C1QTNF3: variants seen among roughly 807,000 people sequenced by gnomAD.
The protein encoded by C1QTNF3 is C1q and TNF related 3.
In C1QTNF3, 26 loss-of-function variants were observed where a neutral mutation model predicts 32.6. That is an observed-to-expected ratio of 0.80 (90% CI 0.58 to 1.11). The LOEUF is 1.11. C1QTNF3 is among the 50% of genes least tolerant of loss of function. C1QTNF3 has a pLI of 0.00. For missense variants in C1QTNF3, 362 were observed against 398.2 expected, an observed-to-expected ratio of 0.91 and a Z score of 0.77; for synonymous variants, 155 against 146.0, an observed-to-expected ratio of 1.06 and a Z score of -0.44.
the C1QTNF3 span, among the ~76,000 whole-genome samples, chr5:34,242,197 A>G: frequency 6.6e-6 from 1 of 152,232 alleles, no homozygotes; most frequent in Non-Finnish European, 1.5e-5. Flanking sequence ...CCCAAAAGCC[A>G]GAATGGCCAA....
At chr5:34,197,382 A>G in the C1QTNF3 span, among the ~76,000 whole-genome samples, 66 of 152,210 alleles carry the variant, frequency 4.3e-4, no homozygotes, top group Non-Finnish European at 8.2e-4. Flanking sequence ...GTATGCTGTC[A>G]CAGGTGCCAT....
At chr5:34,210,788 C>T in the C1QTNF3 span, among the ~76,000 whole-genome samples, 1 of 152,038 alleles carries the variant, frequency 6.6e-6, no homozygotes, top group African/African-American at 2.4e-5. Context: ...GTCCCTAAAA[C>T]ATAATTCAGA....
At chr5:34,117,032 T>C in the C1QTNF3 span, among the ~76,000 whole-genome samples, 1 of 152,170 alleles carries the variant, frequency 6.6e-6, no homozygotes, top group Non-Finnish European at 1.5e-5. Context: ...TAGCTGGATA[T>C]TGATTTTATT....
At chr5:34,056,256 G>A in the C1QTNF3 span, among the ~76,000 whole-genome samples, 1 of 151,842 alleles carries the variant, frequency 6.6e-6, no homozygotes, top group African/African-American at 2.4e-5. Context: ...AGGGAACAGA[G>A]TCAATGTGTG....
intron 1 of C1QTNF3, among the ~76,000 whole-genome samples, chr5:34,036,330 A>AT (rs992423297): frequency 7.9e-5 from 12 of 152,338 alleles, no homozygotes; most frequent in African/African-American, 2.2e-4. Flanking sequence ...GAAATAAAGT[A>AT]TTTTTTAGTC....
chr5:34,087,401 C>T, the C1QTNF3 span, among the ~76,000 whole-genome samples: 5,642 of 151,932 alleles, frequency 0.037, 298 homozygotes, highest in African/African-American at 0.12. Context: ...TAAAGAGGAG[C>T]CGAATATTTT....
intron 3 of C1QTNF3, 88 bp downstream of exon 3, chr5:34,033,216 T>G: frequency 1.4e-6 from 2 of 1,434,600 alleles, no homozygotes; most frequent in Non-Finnish European, 1.9e-6. Context: ...GGGGAAGACT[T>G]GAGGAAGCGC....
intron 4 of C1QTNF3, among the ~76,000 whole-genome samples, chr5:34,025,873 C>A (rs1368343512): frequency 6.6e-6 from 1 of 152,130 alleles, no homozygotes; most frequent in Non-Finnish European, 1.5e-5. Context: ...ACCTTCAGAG[C>A]AGAAAATCAC....
the C1QTNF3 span, among the ~76,000 whole-genome samples, chr5:34,169,854 T>G: frequency 6.6e-6 from 1 of 152,098 alleles, no homozygotes; most frequent in African/African-American, 2.4e-5. Context: ...ATACAGCAAC[T>G]AAGAAAACAG....
the C1QTNF3 span, among the ~76,000 whole-genome samples, chr5:34,128,086 T>C: frequency 6.6e-6 from 1 of 152,340 alleles, no homozygotes; most frequent in African/African-American, 2.4e-5. Context: ...TCCTCGGTCC[T>C]CTGTGCAGCC....
chr5:34,109,001 G>T, the C1QTNF3 span, among the ~76,000 whole-genome samples: 1,878 of 152,174 alleles, frequency 0.012, 21 homozygotes, highest in South Asian at 0.029. Flanking sequence ...ATCTTGAGAT[G>T]ATGAGATTTT....
chr5:34,219,204 G>A, the C1QTNF3 span, among the ~76,000 whole-genome samples: 8 of 151,888 alleles, frequency 5.3e-5, no homozygotes, highest in Non-Finnish European at 1.0e-4. Context: ...TCTGGCTGTT[G>A]TTACAACCAC....
the C1QTNF3 span, among the ~76,000 whole-genome samples, chr5:34,089,563 G>A: frequency 6.6e-6 from 1 of 152,194 alleles, no homozygotes; most frequent in Non-Finnish European, 1.5e-5. Flanking sequence ...TGAATCTGCT[G>A]ATGACTTGAT....
chr5:34,040,291 T>C (rs1754836356), intron 1 of C1QTNF3, among the ~76,000 whole-genome samples: 1 of 152,102 alleles, frequency 6.6e-6, no homozygotes, highest in Admixed American at 6.6e-5. Flanking sequence ...GCTCCATCAA[T>C]TTTGCAGATG....
the C1QTNF3 span, among the ~76,000 whole-genome samples, chr5:34,146,177 G>A: frequency 6.6e-6 from 1 of 152,120 alleles, no homozygotes. Flanking sequence ...AGAAAGAAAT[G>A]AAAGGCATCC....
At chr5:34,172,195 G>T in the C1QTNF3 span, among the ~76,000 whole-genome samples, 5 of 151,900 alleles carry the variant, frequency 3.3e-5, no homozygotes, top group African/African-American at 1.2e-4. Context: ...ACTGTACTAT[G>T]TATTTTTTTT....
the C1QTNF3 span, among the ~76,000 whole-genome samples, chr5:34,161,146 G>T: frequency 6.6e-6 from 1 of 152,166 alleles, no homozygotes; most frequent in Non-Finnish European, 1.5e-5. Context: ...TCCAACCCTT[G>T]CAAGCCTCAG....
chr5:34,114,165 G>A, the C1QTNF3 span, among the ~76,000 whole-genome samples: 1 of 152,070 alleles, frequency 6.6e-6, no homozygotes, highest in Non-Finnish European at 1.5e-5. Context: ...GAAATTATAT[G>A]AACTAAATTA....
the C1QTNF3 span, among the ~76,000 whole-genome samples, chr5:34,095,166 T>C: frequency 2.5e-4 from 38 of 152,064 alleles, no homozygotes; most frequent in Non-Finnish European, 5.6e-4. Flanking sequence ...TCTACTCTAC[T>C]ATCAAACATT....
Sources: gnomAD v4.1 joint callset for allele counts (sites outside exome capture counted in the v4.1 genomes callset) on GRCh38, gnomAD v4.1.1 for gene constraint, MANE v1.5 for transcripts, NCBI Gene and HGNC (gene_info 2026-07-23, HGNC 2026-07-21) for gene names.